The following PALM2AKAP2 variants were observed in gnomAD, a reference collection of about 807,000 sequenced individuals.
PALM2AKAP2 encodes PALM2-AKAP2 fusion protein.
A neutral mutation model predicts 71.5 loss-of-function variants in PALM2AKAP2; 37 were observed. That is an observed-to-expected ratio of 0.52 (90% CI 0.40 to 0.68). The LOEUF (loss-of-function observed/expected upper bound fraction) is 0.68. Among genes scored for constraint, PALM2AKAP2 ranks in the 30% least tolerant of loss-of-function variants. The probability of loss-of-function intolerance (pLI) is 0.00; values close to 1 mark genes in which losing one functional copy is unlikely to be tolerated. For synonymous variants in PALM2AKAP2, 468 were observed against 478.8 expected (o/e 0.98, Z 0.29); for missense variants, 1,224 against 1,191.8 (o/e 1.03, Z -0.40).
At chr9:110,120,535 C>T (rs910149477) in intron 1 of PALM2AKAP2, among the ~76,000 whole-genome samples, 5 of 152,228 alleles carry the variant, frequency 3.3e-5, no homozygotes, top group Non-Finnish European at 1.5e-5. Context: ...CAGAGTCTTG[C>T]TCTGTTGCCC....
intron 1 of PALM2AKAP2, among the ~76,000 whole-genome samples, chr9:109,659,647 A>G (rs543613920): frequency 3.3e-5 from 5 of 152,258 alleles, no homozygotes; most frequent in African/African-American, 1.2e-4. Context: ...AATTTTATAA[A>G]CATTTAACAC....
At chr9:109,856,129 A>T (rs139664481) in intron 1 of PALM2AKAP2, among the ~76,000 whole-genome samples, 5 of 152,162 alleles carry the variant, frequency 3.3e-5, no homozygotes, top group African/African-American at 9.7e-5. Context: ...TTGGAGAGCA[A>T]TTTGTCCCTA....
intron 1 of PALM2AKAP2, among the ~76,000 whole-genome samples, chr9:109,655,184 T>A (rs1827282598): frequency 6.6e-6 from 1 of 151,508 alleles, no homozygotes; most frequent in Admixed American, 6.6e-5. Context: ...TAGTCCCAGC[T>A]ACTCGGGAGG....
At chr9:109,996,303 C>G (rs1471782025) in intron 6 of PALM2AKAP2, among the ~76,000 whole-genome samples, 1 of 152,170 alleles carries the variant, frequency 6.6e-6, no homozygotes, top group Admixed American at 6.5e-5. Flanking sequence ...TGGAAAGGGG[C>G]CCCACTGAAT....
intron 1 of PALM2AKAP2, among the ~76,000 whole-genome samples, chr9:109,813,867 C>G (rs1827786971): frequency 6.6e-6 from 1 of 152,228 alleles, no homozygotes; most frequent in Non-Finnish European, 1.5e-5. Flanking sequence ...GTGTAACACA[C>G]CACGCCCTGC....
intron 6 of PALM2AKAP2, among the ~76,000 whole-genome samples, chr9:109,975,458 C>G (rs1476633624): frequency 6.6e-6 from 1 of 152,240 alleles, no homozygotes; most frequent in South Asian, 2.1e-4. Context: ...TCTTTTTACT[C>G]AGTCTACCAA....
At chr9:109,647,057 C>G (rs764469009) in intron 1 of PALM2AKAP2, among the ~76,000 whole-genome samples, 1 of 152,112 alleles carries the variant, frequency 6.6e-6, no homozygotes, top group Non-Finnish European at 1.5e-5. Context: ...TTACCATGAA[C>G]GCTTGGGAAA....
chr9:110,012,229 G>A (rs1354170586), intron 6 of PALM2AKAP2, among the ~76,000 whole-genome samples: 1 of 152,024 alleles, frequency 6.6e-6, no homozygotes, highest in Non-Finnish European at 1.5e-5. Flanking sequence ...AGAGGCGGAG[G>A]TTTCAGTGAG....
intron 1 of PALM2AKAP2, among the ~76,000 whole-genome samples, chr9:110,126,800 C>T (rs192929736): frequency 6.6e-6 from 1 of 152,334 alleles, no homozygotes. Flanking sequence ...CACAGAAAGC[C>T]CAAGCTGTAA....
At chr9:110,147,625 T>C (rs904810690) in intron 2 of PALM2AKAP2, among the ~76,000 whole-genome samples, 13 of 152,006 alleles carry the variant, frequency 8.6e-5, no homozygotes, top group African/African-American at 3.1e-4. Flanking sequence ...GGGGAAAAAA[T>C]AGCTGAATTT....
chr9:109,832,949 C>T (rs573689098), intron 1 of PALM2AKAP2, among the ~76,000 whole-genome samples: 15 of 152,202 alleles, frequency 9.9e-5, no homozygotes, highest in South Asian at 8.3e-4. Context: ...GGGCTCCTTT[C>T]GTCCCTGCAG....
At chr9:110,051,131 G>A (rs529720429) in intron 1 of PALM2AKAP2, among the ~76,000 whole-genome samples, 2 of 152,334 alleles carry the variant, frequency 1.3e-5, no homozygotes, top group African/African-American at 4.8e-5. Flanking sequence ...TAGGATGAGA[G>A]GAATAGCTGG....
chr9:109,900,378 G>A (rs550755139), intron 3 of PALM2AKAP2, among the ~76,000 whole-genome samples: 14 of 152,330 alleles, frequency 9.2e-5, no homozygotes, highest in Non-Finnish European at 1.8e-4. Flanking sequence ...AAGCATTGGA[G>A]TTACAGAAAA....
intron 1 of PALM2AKAP2, among the ~76,000 whole-genome samples, chr9:110,100,081 A>ATATATATATATATG (rs1554751767): frequency 1.4e-5 from 2 of 144,366 alleles, no homozygotes; most frequent in South Asian, 4.3e-4. Context: ...ATATATATAT[A>ATATATATATATATG]GAAACATAAA....
intron 7 of PALM2AKAP2, 86 bp downstream of exon 7, chr9:110,016,125 A>G: frequency 2.4e-6 from 3 of 1,271,118 alleles, no homozygotes; most frequent in Non-Finnish European, 2.3e-6. Flanking sequence ...GGCAAAATGA[A>G]CACTACCAAT....
intron 1 of PALM2AKAP2, among the ~76,000 whole-genome samples, chr9:109,800,519 C>T (rs907266530): frequency 2.6e-5 from 4 of 152,186 alleles, no homozygotes; most frequent in African/African-American, 9.6e-5. Context: ...TTAAACGACT[C>T]ACATGTTGCC....
intron 3 of PALM2AKAP2, among the ~76,000 whole-genome samples, chr9:109,892,116 C>G (rs778337232): frequency 6.6e-6 from 1 of 152,152 alleles, no homozygotes; most frequent in African/African-American, 2.4e-5. Flanking sequence ...TCTACACGTT[C>G]GTGGCTTAAA....
At chr9:109,831,184 A>C (rs10816890) in intron 1 of PALM2AKAP2, among the ~76,000 whole-genome samples, 23 of 94,652 alleles carry the variant, frequency 2.4e-4, no homozygotes, top group South Asian at 5.8e-4. Context: ...CACACACACA[A>C]GCATAAATAG....
At chr9:110,157,293 T>C (rs1308731711) in intron 3 of PALM2AKAP2, among the ~76,000 whole-genome samples, 1 of 152,216 alleles carries the variant, frequency 6.6e-6, no homozygotes, top group Non-Finnish European at 1.5e-5. Context: ...AAGTCACAGA[T>C]AGCTTGGGTT....
Sources: allele counts gnomAD v4.1 joint callset (sites outside exome capture counted in the v4.1 genomes callset), GRCh38; gene constraint gnomAD v4.1.1; transcripts MANE v1.5; gene names NCBI Gene and HGNC (gene_info 2026-07-23, HGNC 2026-07-21).